The following ZC3H12C variants were observed in gnomAD, a reference collection of about 807,000 sequenced individuals.
ZC3H12C encodes the protein probable ribonuclease ZC3H12C.
A neutral mutation model predicts 76.3 loss-of-function variants in ZC3H12C; 20 were observed. The ratio of observed to expected loss-of-function variants is 0.26; its 90% CI spans 0.18 to 0.38. ZC3H12C has a LOEUF of 0.38. Among genes scored for constraint, ZC3H12C ranks in the 10% least tolerant of loss-of-function variants. ZC3H12C has a pLI of 1.00. For missense variants in ZC3H12C, 874 were observed against 1,086.5 expected (o/e 0.80, Z 2.75); for synonymous variants, 352 against 399.6 (o/e 0.88, Z 1.42).
intron 1 of ZC3H12C, among the ~76,000 whole-genome samples, chr11:110,100,211 A>T (rs370007327): frequency 3.9e-4 from 12 of 30,782 alleles, no homozygotes; most frequent in East Asian, 1.4e-3. Context: ...GCTATATGGT[A>T]CTTTTTTTTT....
intron 1 of ZC3H12C, among the ~76,000 whole-genome samples, chr11:110,099,828 C>A (rs972534343): frequency 7.4e-6 from 1 of 136,042 alleles, no homozygotes; most frequent in Non-Finnish European, 1.6e-5. Flanking sequence ...AAAAAAAAAT[C>A]ACAAACATTT....
At position 110,146,562 on chromosome 11, in the gene ZC3H12C, C is replaced by G. The variant is rs1320243853; in HGVS notation, c.774-6357C>G. Among the ~76,000 whole-genome samples, 4 of 152,146 alleles carry G rather than the reference C, an allele frequency of 2.6e-5. No homozygotes were observed. The East Asian group carries it at 7.7e-4, about 29-fold the overall frequency. ...GTTGGGTTGCATCTCTTGCATCTTCCTCAGTCTCTTCCAGCATCCCTTTTT... is the reference window on the plus strand; with the variant it reads ...GTTGGGTTGCATCTCTTGCATCTTCGTCAGTCTCTTCCAGCATCCCTTTTT... On this transcript the variant is annotated intron_variant, in intron 2 of 5. Transcript: ENST00000278590.
Position 110,107,027 on chromosome 11 carries a change from A to G in ZC3H12C, c.21+13595A>G, listed in dbSNP as rs564054511. On this transcript the variant is annotated intron_variant, in intron 1 of 5. Coordinates refer to ENST00000278590, the MANE Select transcript of ZC3H12C (RefSeq NM_033390.2). ...TTTCTAACACAGGTATCTCCTGCTT[A>G]TATACACATGTTCTGAAAATACCTG... Among the ~76,000 whole-genome samples, 12 of 152,326 alleles carry G rather than the reference A, an allele frequency of 7.9e-5. 2 individuals carry two copies. In the East Asian group the frequency reaches 2.3e-3, roughly 29 times the overall value.
chr11:110,133,124 A>G lies in ZC3H12C; in HGVS notation c.22-3539A>G, dbSNP rs191590841. On this transcript the variant is annotated intron_variant, in intron 1 of 5. Coordinates refer to ENST00000278590, the MANE Select transcript of ZC3H12C (RefSeq NM_033390.2). ...TAGCTTTTCATTGAATGATTTCAAGATATTGCCAAATTCTGGGTTGTTTTT... is the reference window on the plus strand; with the variant it reads ...TAGCTTTTCATTGAATGATTTCAAGGTATTGCCAAATTCTGGGTTGTTTTT... Among the ~76,000 whole-genome samples the G allele has an allele frequency of 4.8e-3, 727 of 152,284 alleles. 3 individuals are homozygous for G. The highest frequency in any genetic ancestry group is 0.016 in the African/African-American group (676 of 41,580).
chr11:110,137,492 CCTT>C, intron 2 of ZC3H12C, 78 bp downstream of exon 2: 1 of 1,438,786 alleles, frequency 7.0e-7, no homozygotes, highest in Admixed American at 2.7e-5. Context: ...TGGCTCTTTT[CCTT>C]CTCATGGTCA....
chr11:110,160,985 C>T (rs890130113), intron 4 of ZC3H12C, among the ~76,000 whole-genome samples: 6 of 150,330 alleles, frequency 4.0e-5, no homozygotes, highest in African/African-American at 1.5e-4. Context: ...TACAGGCACG[C>T]CCCATCACAC....
At chr11:110,163,239 C>G (rs768154186) in intron 4 of ZC3H12C, 34 bp from the exon 5 acceptor site, 6 of 1,537,054 alleles carry the variant, frequency 3.9e-6, no homozygotes, top group Non-Finnish European at 5.3e-6. Context: ...CAGCCTCCTA[C>G]TTAGGTATCA....
At chr11:110,107,292 T>C (rs949351789) in intron 1 of ZC3H12C, among the ~76,000 whole-genome samples, 1 of 152,240 alleles carries the variant, frequency 6.6e-6, no homozygotes, top group Non-Finnish European at 1.5e-5. Context: ...TTTTTATCAC[T>C]GTTGTTCGTT....
intron 1 of ZC3H12C, 172 bp from the exon 2 acceptor site, chr11:110,136,491 A>T: frequency 1.5e-6 from 1 of 652,478 alleles, no homozygotes; most frequent in Non-Finnish European, 2.5e-6. Context: ...TGACTTCTTC[A>T]TCTGAAAAAT....
At chr11:110,157,327 C>T (rs1026976301) in intron 3 of ZC3H12C, among the ~76,000 whole-genome samples, 1 of 151,944 alleles carries the variant, frequency 6.6e-6, no homozygotes, top group African/African-American at 2.4e-5. Context: ...CTATCAACTG[C>T]ATTTGACAAC....
chr11:110,117,829 TATA>T (rs1324651755), intron 1 of ZC3H12C, among the ~76,000 whole-genome samples: 2 of 132,596 alleles, frequency 1.5e-5, no homozygotes, highest in African/African-American at 2.9e-5. Context: ...CACACACACA[TATA>T]ATATATATAT....
At position 110,165,490 on chromosome 11, in the gene ZC3H12C, C is replaced by G; in HGVS notation, c.2405C>G (p.Pro802Arg). ...TYSLPDNSTQ[P>R]CYEQFTFQSL... Reference sequence around the variant, plus strand: ...TCCTTGCCCGATAACTCCACACAGCCGTGTTATGAGCAGTTCACCTTCCAG... The same window carrying G: ...TCCTTGCCCGATAACTCCACACAGCGGTGTTATGAGCAGTTCACCTTCCAG... Residue 802 changes from proline to arginine, a missense_variant, in exon 6 of 6, where the codon CCG becomes CGG. Around this residue, in one of 3 missense-constraint regions of ZC3H12C, gnomAD observed 395 missense variants for 434.4 expected, o/e 0.91. Coordinates refer to ENST00000278590, the MANE Select transcript of ZC3H12C (RefSeq NM_033390.2). 6.2e-7 allele frequency: 1 copy of G among 1,613,996 alleles called. No individual in the cohort carries two copies. The highest frequency in any genetic ancestry group is 8.5e-7 in the Non-Finnish European group (1 of 1,179,888).
At chr11:110,111,464 G>A (rs1422245927) in intron 1 of ZC3H12C, among the ~76,000 whole-genome samples, 1 of 150,832 alleles carries the variant, frequency 6.6e-6, no homozygotes, top group Non-Finnish European at 1.5e-5. Flanking sequence ...ATAAAAGTCA[G>A]TAACTTATTT....
chr11:110,125,597 C>T (rs945878898), intron 1 of ZC3H12C, among the ~76,000 whole-genome samples: 5 of 152,182 alleles, frequency 3.3e-5, no homozygotes, highest in South Asian at 2.1e-4. Context: ...GGATTACAGG[C>T]GTGAGCCACC....
intron 1 of ZC3H12C, among the ~76,000 whole-genome samples, chr11:110,103,996 CTT>C (rs768000382): frequency 6.3e-5 from 8 of 127,672 alleles, no homozygotes; most frequent in South Asian, 2.5e-4. Flanking sequence ...GGAAACAATT[CTT>C]TTTTTTTTTT....
Position 110,159,393 on chromosome 11 carries a change from G to A in ZC3H12C, c.1051G>A (p.Val351Met). The change falls in exon 4 of 6, where the codon GTG becomes ATG. Residue 351 changes from valine to methionine, a missense_variant. This residue lies in a region of ZC3H12C where 269 missense variants were observed against 424.9 expected (regional missense o/e 0.63). Transcript: ENST00000278590. ...GGCTTTTGAGTCGGACGGTATCATT[G>A]TGTCCAATGATAACTACAGGGACTT... The part of the protein sequence containing the change: ...KLAFESDGII[V>M]SNDNYRDLAN... 11 of 1,614,030 alleles carry A rather than the reference G, an allele frequency of 6.8e-6. No homozygotes were observed. Among genetic ancestry groups the A allele is most frequent in the African/African-American group, 1.3e-5 (1 of 75,048 alleles).
intron 4 of ZC3H12C, among the ~76,000 whole-genome samples, chr11:110,159,938 G>A (rs1349880659): frequency 6.6e-6 from 1 of 152,248 alleles, no homozygotes; most frequent in African/African-American, 2.4e-5. Context: ...ATCATAGAGT[G>A]TACTTACACA....
chr11:110,093,454 G>A, intron 1 of ZC3H12C, 22 bp downstream of exon 1: 4 of 1,204,310 alleles, frequency 3.3e-6, no homozygotes, highest in African/African-American at 1.6e-5. Flanking sequence ...GGAAGGGGGT[G>A]GGGGACGCGG....
intron 1 of ZC3H12C, chr11:110,136,119 A>AT (rs1459136968): frequency 2.0e-5 from 3 of 152,190 alleles, no homozygotes; most frequent in Non-Finnish European, 4.4e-5. Flanking sequence ...AGTTCTTTAG[A>AT]TTGCTGTTAA....
Sources: gnomAD v4.1 joint callset for allele counts (sites outside exome capture counted in the v4.1 genomes callset) on GRCh38, gnomAD v4.1.1 for gene constraint, gnomAD v4.1.1 regional missense constraint, MANE v1.5 for transcripts, NCBI Gene and HGNC (gene_info 2026-07-23, HGNC 2026-07-21) for gene names.